The following TTC27 variants were observed in gnomAD, a reference collection of about 807,000 sequenced individuals.
TTC27 encodes tetratricopeptide repeat domain 27, also known as tetratricopeptide repeat protein 27.
In TTC27, 79 loss-of-function variants were observed where a neutral mutation model predicts 115.9. The observed-to-expected ratio is 0.68, with a 90% confidence interval of 0.57 to 0.82. TTC27 has a LOEUF of 0.82. Ranked by LOEUF, TTC27 falls within the 40% of genes least tolerant of loss-of-function variation. The pLI, the probability that TTC27 is intolerant of heterozygous loss-of-function variation, is 0.00. For missense variants in TTC27, 1,054 were observed against 993.1 expected (o/e 1.06, Z -0.82); for synonymous variants, 401 against 356.0 (o/e 1.13, Z -1.42).
At chr2:32,647,369 A>T (rs551701681) in intron 4 of TTC27, among the ~76,000 whole-genome samples, 1 of 152,224 alleles carries the variant, frequency 6.6e-6, no homozygotes, top group Non-Finnish European at 1.5e-5. Flanking sequence ...TAAGGGACAG[A>T]TAATTGAGAT....
intron 12 of TTC27, among the ~76,000 whole-genome samples, chr2:32,751,044 G>T (rs1246357046): frequency 6.6e-6 from 1 of 152,112 alleles, no homozygotes; most frequent in East Asian, 1.9e-4. Context: ...GCTGGTAAAA[G>T]GCTGCTATAT....
At chr2:32,687,800 C>T (rs1035295151) in intron 9 of TTC27, among the ~76,000 whole-genome samples, 3 of 152,056 alleles carry the variant, frequency 2.0e-5, no homozygotes, top group Non-Finnish European at 4.4e-5. Flanking sequence ...CTCCACAGTA[C>T]ATGAAACAAA....
chr2:32,663,687 T>C (rs916091608), intron 5 of TTC27, among the ~76,000 whole-genome samples: 1 of 151,986 alleles, frequency 6.6e-6, no homozygotes, highest in Non-Finnish European at 1.5e-5. Context: ...TATGTATTTA[T>C]TTATTTATTT....
intron 7 of TTC27, among the ~76,000 whole-genome samples, chr2:32,667,713 G>T (rs1665840871): frequency 6.6e-6 from 1 of 150,592 alleles, no homozygotes; most frequent in African/African-American, 2.4e-5. Context: ...ACCACACCTG[G>T]CTGTGTTTGT....
At chr2:32,815,067 T>C (rs889943395) in intron 18 of TTC27, among the ~76,000 whole-genome samples, 5 of 152,092 alleles carry the variant, frequency 3.3e-5, no homozygotes, top group African/African-American at 1.2e-4. Flanking sequence ...TGCTCATTTG[T>C]ATTGTCTGGA....
Position 32,817,681 on chromosome 2 carries a change from GC to G in TTC27, c.2409+125del, listed in dbSNP as rs1671552359. The G allele has an allele frequency of 6.0e-6, 5 of 829,268 alleles. No individual in the cohort carries two copies. In the South Asian group the frequency reaches 7.9e-5, roughly 13 times the overall value. 51.4% of individuals were successfully genotyped at this position (829,268 alleles called of 1,614,324 possible). On this transcript the variant is annotated intron_variant, in intron 19 of 19. Coordinates refer to ENST00000317907, the MANE Select transcript of TTC27 (RefSeq NM_017735.5). ...TTAGGCGCATGTTTTATTTAATATA[GC>G]AGCCCCCTCATGGTTGGTTGTGTTG...
chr2:32,718,789 G>C (rs1667831141), intron 10 of TTC27, among the ~76,000 whole-genome samples: 1 of 152,144 alleles, frequency 6.6e-6, no homozygotes, highest in Non-Finnish European at 1.5e-5. Context: ...GGGTTGGCAT[G>C]GGTCTTCCCT....
chr2:32,656,808 G>C (rs1164421953), intron 5 of TTC27, among the ~76,000 whole-genome samples: 1 of 151,966 alleles, frequency 6.6e-6, no homozygotes, highest in Admixed American at 6.6e-5. Context: ...GTCTTTATGG[G>C]TTTCCCCCTC....
At chr2:32,719,223 C>T (rs1181098072) in intron 10 of TTC27, among the ~76,000 whole-genome samples, 1 of 152,128 alleles carries the variant, frequency 6.6e-6, no homozygotes, top group South Asian at 2.1e-4. Flanking sequence ...GAGCAGTGAA[C>T]TAAACAATGT....
At chr2:32,651,459 G>A (rs1161650521) in intron 5 of TTC27, among the ~76,000 whole-genome samples, 1 of 152,158 alleles carries the variant, frequency 6.6e-6, no homozygotes, top group Non-Finnish European at 1.5e-5. Flanking sequence ...CAATTCTCCT[G>A]CCTCAGCCTC....
At chr2:32,736,661 G>T in intron 11 of TTC27, 33 bp from the exon 12 acceptor site, 1 of 1,612,646 alleles carries the variant, frequency 6.2e-7, no homozygotes, top group East Asian at 2.2e-5. Flanking sequence ...TTTACACCAA[G>T]AAGTATTAAT....
Position 32,784,090 on chromosome 2 carries a change from G to A in TTC27, c.1832+1412G>A, listed in dbSNP as rs543335571. 5.3e-4 allele frequency among the ~76,000 whole-genome samples: 80 copies of A among 152,280 alleles called. No individual in the cohort carries two copies. The South Asian group carries it at 0.016, about 31-fold the overall frequency. ...TCTCTGGAGACCTTTTTGGTTTAAAGCAACAGGCTCGGAAGTCCCTGTCAT... is the reference window on the plus strand; with the variant it reads ...TCTCTGGAGACCTTTTTGGTTTAAAACAACAGGCTCGGAAGTCCCTGTCAT... On this transcript the variant is annotated intron_variant, in intron 15 of 19. Coordinates refer to ENST00000317907, the MANE Select transcript of TTC27 (RefSeq NM_017735.5).
rs753161662 is a variant in TTC27 at position 32,672,913 on chromosome 2, G to T, written c.1052+529G>T. Among the ~76,000 whole-genome samples, 5 of 152,022 alleles carry T rather than the reference G, an allele frequency of 3.3e-5. No homozygotes were observed. In the East Asian group the frequency reaches 9.7e-4, roughly 29 times the overall value. ...ATTTCCAACAAATAATGTTATTTTTGTACATAGTCACAATACAGCTATCAA... is the reference window on the plus strand; with the variant it reads ...ATTTCCAACAAATAATGTTATTTTTTTACATAGTCACAATACAGCTATCAA... On this transcript the variant is annotated intron_variant, in intron 8 of 19. Coordinates refer to ENST00000317907, the MANE Select transcript of TTC27 (RefSeq NM_017735.5).
chr2:32,783,456 C>T (rs945468078), intron 15 of TTC27, among the ~76,000 whole-genome samples: 3 of 152,128 alleles, frequency 2.0e-5, no homozygotes, highest in Non-Finnish European at 4.4e-5. Context: ...GTGAAATATA[C>T]GGTGAGAGAT....
chr2:32,733,813 T>A lies in TTC27; in HGVS notation c.1234-15T>A, dbSNP rs1157258620. The A allele has an allele frequency of 6.4e-7, 1 of 1,555,462 alleles. No homozygotes were observed. On this transcript the variant is annotated splice_polypyrimidine_tract_variant and intron_variant, in intron 10 of 19. Coordinates refer to ENST00000317907, the MANE Select transcript of TTC27 (RefSeq NM_017735.5). ...TTATACATATAGATTCTGATTGTGA[T>A]ATATGTCCTTTAAGGCTCTTGCAGA...
At chr2:32,814,025 T>C (rs952826943) in intron 18 of TTC27, among the ~76,000 whole-genome samples, 2 of 152,206 alleles carry the variant, frequency 1.3e-5, no homozygotes, top group African/African-American at 4.8e-5. Context: ...TATTGTATGA[T>C]ATTTGGGGAA....
chr2:32,748,442 C>G (rs1187603497), intron 12 of TTC27, among the ~76,000 whole-genome samples: 4 of 152,104 alleles, frequency 2.6e-5, no homozygotes. Context: ...TCTGTTAGGT[C>G]TAGTTGGTTT....
chr2:32,753,428 C>CTTTTTTTTTTT, intron 12 of TTC27, among the ~76,000 whole-genome samples: 1 of 92,848 alleles, frequency 1.1e-5, no homozygotes, highest in African/African-American at 3.9e-5. Context: ...CAATCAAATG[C>CTTTTTTTTTTT]CTTTTTTTTT....
At chr2:32,801,914 A>G (rs1424265789) in intron 16 of TTC27, among the ~76,000 whole-genome samples, 2 of 152,242 alleles carry the variant, frequency 1.3e-5, no homozygotes, top group Admixed American at 1.3e-4. Flanking sequence ...AAACTTAGTC[A>G]TATACAATAT....
Sources: allele counts gnomAD v4.1 joint callset (sites outside exome capture counted in the v4.1 genomes callset), GRCh38; gene constraint gnomAD v4.1.1; transcripts MANE v1.5; gene names NCBI Gene and HGNC (gene_info 2026-07-23, HGNC 2026-07-21).